CNTNAP1: variants seen among roughly 807,000 people sequenced by gnomAD.
CNTNAP1 encodes contactin-associated protein 1.
A neutral mutation model predicts 161.5 loss-of-function variants in CNTNAP1; 80 were observed. That is an observed-to-expected ratio of 0.50 (90% confidence interval 0.41 to 0.60). CNTNAP1 has a LOEUF of 0.60. CNTNAP1 is among the 20% of genes least tolerant of loss of function. The pLI is 0.00. For synonymous variants in CNTNAP1, 695 were observed against 733.1 expected, an observed-to-expected ratio of 0.95 and a Z score of 0.84; for missense variants, 1,464 against 1,854.8, an observed-to-expected ratio of 0.79 and a Z score of 3.87.
Position 42,699,046 on chromosome 17 carries a change from T to A in CNTNAP1, c.*136T>A. ...AGGATATTCCCCCATCCCCCCCCCA[T>A]CAAGTTTGGTGGGCAGAGCTACAGA... On this transcript the variant is annotated 3_prime_UTR_variant, in exon 24 of 24. Coordinates refer to ENST00000264638, the MANE Select transcript of CNTNAP1 (RefSeq NM_003632.3). 1.5e-6 allele frequency: 1 copy of A among 666,102 alleles called. No homozygotes were observed. The highest frequency in any genetic ancestry group is 2.4e-6 in the Non-Finnish European group (1 of 423,508). 41.3% of individuals were successfully genotyped at this position (666,102 alleles called of 1,614,324 possible).
In CNTNAP1 at chr17:42,694,450, A is replaced by G. The variant is rs905350998; in HGVS notation, c.2992+914A>G. Among the ~76,000 whole-genome samples, 10 of 151,616 alleles carry G rather than the reference A, an allele frequency of 6.6e-5. No individual in the cohort carries two copies. The South Asian group carries it at 1.2e-3, about 19-fold the overall frequency. Reference sequence around the variant, plus strand: ...GCCTCCCAAAGTGCTGGGATTACAGACGTGAGCCACAGCGCCTGGCAAAAT... The same window carrying G: ...GCCTCCCAAAGTGCTGGGATTACAGGCGTGAGCCACAGCGCCTGGCAAAAT... On this transcript the variant is annotated intron_variant, in intron 18 of 23. Transcript: ENST00000264638.
At position 42,686,084 on chromosome 17, in the gene CNTNAP1, C is replaced by T. The variant is rs1350491801; in HGVS notation, c.843C>T (p.Gly281=). Residue 281 remains glycine, a synonymous_variant, in exon 6 of 24, where the codon GGC becomes GGT. Transcript: ENST00000264638. ...GCGATGTAAATTTCACCCTGGACGG[C>T]TATGTGCAGCGCTTTATTCTCAATG... The part of the protein sequence containing the change: ...FGRDVNFTLD[G]YVQRFILNGD... 6 of 1,614,104 alleles carry T rather than the reference C, an allele frequency of 3.7e-6. No homozygotes were observed. Among genetic ancestry groups the T allele is most frequent in the Non-Finnish European group, 1.7e-6 (2 of 1,180,050 alleles).
Position 42,691,904 on chromosome 17 carries a change from A to G in CNTNAP1, c.2443A>G (p.Thr815Ala). 2 of 1,613,800 alleles carry G rather than the reference A, an allele frequency of 1.2e-6. No individual in the cohort carries two copies. The highest frequency in any genetic ancestry group is 1.1e-5 in the South Asian group (1 of 91,064). Residue 815 changes from threonine (T) to alanine (A), a missense_variant, in exon 16 of 24, where the codon ACC (threonine) becomes GCC (alanine). Thr to Ala is a moderately conservative substitution (Grantham distance 58). Around this residue, in one of 3 missense-constraint regions of CNTNAP1, gnomAD observed 1,383 missense variants for 1,765.0 expected, o/e 0.78. Coordinates refer to ENST00000264638, the MANE Select transcript of CNTNAP1 (RefSeq NM_003632.3). The surrounding 1 kb of genome is among the most constrained non-coding windows in gnomAD (Gnocchi z 4.3). ...HSLDVSFYFRTSAPSGVFLEN... is the reference protein window; with the variant it reads ...HSLDVSFYFRASAPSGVFLEN... ...CCTGGATGTCTCCTTCTACTTCAGG[A>G]CCTCTGCTCCCTCGGGGGTCTTCCT...
Position 42,692,614 on chromosome 17 carries a change from C to A in CNTNAP1, c.2646C>A (p.Ile882=), listed in dbSNP as rs1402584717. The part of the protein sequence containing the change: ...DDEWHLVRAE[I]NVKQARLRVD... ...AGTGGCACCTGGTCCGGGCTGAAAT[C>A]AACGTGAAGCAGGCCCGGCTCCGAG... Residue 882 remains isoleucine, a synonymous_variant, in exon 17 of 24, where the codon ATC becomes ATA. Coordinates refer to ENST00000264638, the MANE Select transcript of CNTNAP1 (RefSeq NM_003632.3). 1 of 1,614,110 alleles carries A rather than the reference C, an allele frequency of 6.2e-7. No homozygotes were observed. Among genetic ancestry groups the A allele is most frequent in the Non-Finnish European group, 8.5e-7 (1 of 1,180,052 alleles).
rs116175900 is a variant in CNTNAP1, at chr17:42,694,691, G to A, written c.2993-830G>A. Among the ~76,000 whole-genome samples, 243 of 151,764 alleles carry A rather than the reference G, an allele frequency of 1.6e-3. 2 individuals are homozygous for A. The highest frequency in any genetic ancestry group is 5.6e-3 in the African/African-American group (231 of 41,396). On this transcript the variant is annotated intron_variant, in intron 18 of 23. Coordinates refer to ENST00000264638, the MANE Select transcript of CNTNAP1 (RefSeq NM_003632.3). ...CCACCATCACCATGGTAACACAGGC[G>A]AACTCCCTTGTCAATGTATTTGATG...
In CNTNAP1 at chr17:42,686,095, G is replaced by T; in HGVS notation, c.854G>T (p.Arg285Leu). The T allele has an allele frequency of 6.2e-7, 1 of 1,614,216 alleles. No homozygotes were observed. Among genetic ancestry groups the T allele is most frequent in the Non-Finnish European group, 8.5e-7 (1 of 1,180,042 alleles). ...VNFTLDGYVQ[R>L]FILNGDFERL... Reference sequence around the variant, plus strand: ...TTCACCCTGGACGGCTATGTGCAGCGCTTTATTCTCAATGGAGACTTCGAG... The same window carrying T: ...TTCACCCTGGACGGCTATGTGCAGCTCTTTATTCTCAATGGAGACTTCGAG... Residue 285 changes from arginine to leucine, a missense_variant, in exon 6 of 24, where the codon CGC becomes CTC. Arg to Leu is a moderately radical substitution (Grantham distance 102). Transcript: ENST00000264638.
rs77725092 is a variant in CNTNAP1 at position 42,697,555 on chromosome 17, G to A, written c.3570G>A (p.Glu1190=). ...TTTCTGGGCCTGCCTCTCTCTCAGA[G>A]ACAGGAGTCATTGACCCGGAGATCC... is the stretch of plus-strand genomic sequence containing the variant. ...PKALYLGRVM[E]TGVIDPEIQR... is the part of the protein sequence containing the mutation. Residue 1190 remains glutamate, a splice_region_variant and synonymous_variant, in exon 22 of 24, where the codon GAG becomes GAA. Coordinates refer to ENST00000264638, the MANE Select transcript of CNTNAP1 (RefSeq NM_003632.3). 8.3e-3 allele frequency: 13,337 copies of A among 1,614,010 alleles called. 571 individuals carry two copies. In the South Asian group the frequency reaches 0.094, roughly 11 times the overall value.
rs1287664845 is a variant in CNTNAP1 at position 42,691,378 on chromosome 17, C to A, written c.2217-6C>A. 2.5e-6 allele frequency: 4 copies of A among 1,614,096 alleles called. No homozygotes were observed. Among genetic ancestry groups the A allele is most frequent in the Non-Finnish European group, 3.4e-6 (4 of 1,179,982 alleles). On this transcript the variant is annotated splice_region_variant and splice_polypyrimidine_tract_variant and intron_variant, in intron 14 of 23. Transcript: ENST00000264638. This position sits in a 1 kb window ranked among gnomAD's most constrained non-coding sequence, Gnocchi z 4.3. ...GGGGCTGAGCCATGACATCCTGCCC[C>A]CACAGGAGAACTGACAAGGGACTGC... is the stretch of plus-strand genomic sequence containing the variant.
In CNTNAP1 at chr17:42,693,367, G is replaced by C. The variant is rs762224072; in HGVS notation, c.2823G>C (p.Leu941=). ...LRAMRLNGVT[L]NLEGRANASE... is the part of the protein sequence containing the mutation. ...CCATGCGTCTGAACGGAGTGACTCT[G>C]AACCTGGAGGGCCGTGCCAATGCCT... Residue 941 remains leucine, a synonymous_variant, in exon 18 of 24, where the codon CTG becomes CTC. Transcript: ENST00000264638. 2.2e-5 allele frequency: 35 copies of C among 1,614,078 alleles called. No homozygotes were observed. The highest frequency in any genetic ancestry group is 2.9e-5 in the Non-Finnish European group (34 of 1,180,038).
At chr17:42,689,442 G>A (rs976601508) in intron 10 of CNTNAP1, 79 bp from the exon 11 acceptor site, 2 of 1,125,830 alleles carry the variant, frequency 1.8e-6, no homozygotes, top group Non-Finnish European at 2.6e-6. Flanking sequence ...AAGGAGCTGG[G>A]AGTGAAGCTT....
At chr17:42,696,546 C>T (rs1336959243) in intron 20 of CNTNAP1, among the ~76,000 whole-genome samples, 1 of 152,164 alleles carries the variant, frequency 6.6e-6, no homozygotes, top group Admixed American at 6.5e-5. Context: ...TGGTCTCGAA[C>T]ACCCGACCTC....
rs371406732 is a variant in CNTNAP1 at position 42,685,372 on chromosome 17, G to A, written c.667G>A (p.Val223Met). 5 of 1,606,922 alleles carry A rather than the reference G, an allele frequency of 3.1e-6. No homozygotes were observed. The highest frequency in any genetic ancestry group is 2.7e-5 in the African/African-American group (2 of 74,934). The part of the protein sequence containing the change: ...LHAEGAQGDY[V>M]TLELEGAHLL... ...CGCCGAGGGCGCCCAGGGCGACTAC[G>A]TGACGCTCGAGCTGGAGGGGGCACA... The change falls in exon 5 of 24, where the codon GTG becomes ATG. Residue 223 changes from valine to methionine, a missense_variant. Physicochemically the swap from Val to Met is conservative, Grantham distance 21 (BLOSUM62 1). Transcript: ENST00000264638. The surrounding 1 kb of genome is among the most constrained non-coding windows in gnomAD (Gnocchi z 5.0).
Position 42,691,252 on chromosome 17 carries a change from C to T in CNTNAP1, c.2175C>T (p.Asp725=). 6.2e-7 allele frequency: 1 copy of T among 1,614,118 alleles called. No individual in the cohort carries two copies. Among genetic ancestry groups the T allele is most frequent in the Non-Finnish European group, 8.5e-7 (1 of 1,180,000 alleles). The change falls in exon 14 of 24, where the codon GAC becomes GAT. Residue 725 remains aspartate (D), a synonymous_variant. Coordinates refer to ENST00000264638, the MANE Select transcript of CNTNAP1 (RefSeq NM_003632.3). The surrounding 1 kb of genome is among the most constrained non-coding windows in gnomAD (Gnocchi z 4.3). ...GTGGTCTGGACCGGAGCTGTGTGGA[C>T]CCTGCCTTGTACTGCAACTGTGACG... ...CACGLDRSCV[D]PALYCNCDAD...
At chr17:42,696,646 G>A (rs985438396) in intron 20 of CNTNAP1, among the ~76,000 whole-genome samples, 82 of 152,124 alleles carry the variant, frequency 5.4e-4, no homozygotes, top group African/African-American at 2.0e-3. Context: ...TCTTATTTAA[G>A]TGTTTTACAA....
In CNTNAP1 at chr17:42,691,647, C is replaced by A; in HGVS notation, c.2344+136C>A. On this transcript the variant is annotated intron_variant, in intron 15 of 23. Coordinates refer to ENST00000264638, the MANE Select transcript of CNTNAP1 (RefSeq NM_003632.3). The surrounding 1 kb of genome is among the most constrained non-coding windows in gnomAD (Gnocchi z 4.3). ...CTGCTGTGATGCGATCTCATTACCCCTCTGCACCTGGCTCCTCTTTCATTC... is the reference window on the plus strand; with the variant it reads ...CTGCTGTGATGCGATCTCATTACCCATCTGCACCTGGCTCCTCTTTCATTC... 7.2e-7 allele frequency: 1 copy of A among 1,385,766 alleles called. No individual in the cohort carries two copies. The highest frequency in any genetic ancestry group is 1.0e-6 in the Non-Finnish European group (1 of 999,306). The allele number at this position is 1,385,766 out of a possible 1,614,324, so 85.8% of individuals were successfully genotyped here.
rs562097555 is a variant in CNTNAP1 at position 42,693,205 on chromosome 17, C to T, written c.2753-92C>T. 1.4e-4 allele frequency: 210 copies of T among 1,460,462 alleles called. No homozygotes were observed. The African/African-American group carries it at 2.1e-3, about 15-fold the overall frequency. 90.5% of individuals were successfully genotyped at this position (1,460,462 alleles called of 1,614,324 possible). On this transcript the variant is annotated intron_variant, in intron 17 of 23. Coordinates refer to ENST00000264638, the MANE Select transcript of CNTNAP1 (RefSeq NM_003632.3). ...CGATCTCCTGAGCTCGTGATTCGCCCGCCTCGGCCTCCCAAAGTGCTGGGA... is the reference window on the plus strand; with the variant it reads ...CGATCTCCTGAGCTCGTGATTCGCCTGCCTCGGCCTCCCAAAGTGCTGGGA...
chr17:42,690,929 G>A lies in CNTNAP1; in HGVS notation c.2046G>A (p.Leu682=). 4 of 1,614,180 alleles carry A rather than the reference G, an allele frequency of 2.5e-6. No homozygotes were observed. The highest frequency in any genetic ancestry group is 3.4e-6 in the Non-Finnish European group (4 of 1,180,046). ...AGTTCTCCTGCTACAATTCCCGGCT[G>A]CTCAACACTGCAGGTTAGGGCTGGG... ...WIEFSCYNSR[L]LNTAGGYPYS... The change falls in exon 13 of 24, where the codon CTG becomes CTA. Residue 682 remains leucine, a synonymous_variant. Coordinates refer to ENST00000264638, the MANE Select transcript of CNTNAP1 (RefSeq NM_003632.3).
In CNTNAP1 at chr17:42,698,855, C is replaced by A. The variant is rs1022684402; in HGVS notation, c.4100C>A (p.Pro1367His). The A allele has an allele frequency of 1.9e-6, 3 of 1,591,310 alleles. No homozygotes were observed. The highest frequency in any genetic ancestry group is 3.4e-5 in the Admixed American group (2 of 59,472). ...CCAGCCCCAACTCCAGCCCCAGCCCCTGGCCCCCGGGATCAGAACCTACCC... is the reference window on the plus strand; with the variant it reads ...CCAGCCCCAACTCCAGCCCCAGCCCATGGCCCCCGGGATCAGAACCTACCC... Reference protein sequence around the residue: ...PAPAPTPAPAPGPRDQNLPQI... With the variant: ...PAPAPTPAPAHGPRDQNLPQI... The change falls in exon 24 of 24, where the codon CCT (proline) becomes CAT (histidine). Residue 1367 changes from proline to histidine, a missense_variant. Around this residue, in one of 3 missense-constraint regions of CNTNAP1, gnomAD observed 1,383 missense variants for 1,765.0 expected, o/e 0.78. Transcript: ENST00000264638.
chr17:42,687,383 C>A lies in CNTNAP1; in HGVS notation c.1044+337C>A. ...GGCTTCTCTGATATGCCCCCCTCAA[C>A]CCTCTCCGACTCTGGAGCTCTGTTG... On this transcript the variant is annotated intron_variant, in intron 7 of 23. Coordinates refer to ENST00000264638, the MANE Select transcript of CNTNAP1 (RefSeq NM_003632.3). This position sits in a 1 kb window ranked among gnomAD's most constrained non-coding sequence, Gnocchi z 4.7. 2.0e-6 allele frequency: 1 copy of A among 508,842 alleles called. No individual in the cohort carries two copies. Among genetic ancestry groups the A allele is most frequent in the Middle Eastern group, 5.2e-4 (1 of 1,926 alleles). The allele number at this position is 508,842 out of a possible 1,614,324, so 31.5% of individuals were successfully genotyped here.
Sources: allele counts gnomAD v4.1 joint callset (sites outside exome capture counted in the v4.1 genomes callset), GRCh38; gene constraint gnomAD v4.1.1; regional missense constraint gnomAD v4.1.1; non-coding constraint Gnocchi (gnomAD v3.1); transcripts MANE v1.5; gene names NCBI Gene and HGNC (gene_info 2026-07-23, HGNC 2026-07-21).